Variants in UNC5D observed in about 807,000 individuals in gnomAD.
UNC5D encodes the protein netrin receptor UNC5D.
A neutral mutation model predicts 105.4 loss-of-function variants in UNC5D; 39 were observed. That is an observed-to-expected ratio of 0.37 (90% CI 0.29 to 0.48). UNC5D has a LOEUF of 0.48. Among genes scored for constraint, UNC5D ranks in the 20% least tolerant of loss-of-function variants. The probability of loss-of-function intolerance (pLI) is 0.98; values close to 1 mark genes in which losing one functional copy is unlikely to be tolerated. For synonymous variants in UNC5D, 452 were observed against 450.4 expected, an observed-to-expected ratio of 1.00 and a Z score of -0.04; for missense variants, 991 against 1,202.4, an observed-to-expected ratio of 0.82 and a Z score of 2.60.
At chr8:35,600,566 T>C (rs1257301822) in intron 4 of UNC5D, among the ~76,000 whole-genome samples, 1 of 152,256 alleles carries the variant, frequency 6.6e-6, no homozygotes, top group Non-Finnish European at 1.5e-5. Flanking sequence ...TGAGCATTTT[T>C]TCGTGTGTCT....
At chr8:35,605,014 T>A (rs920142568) in intron 4 of UNC5D, among the ~76,000 whole-genome samples, 12 of 152,186 alleles carry the variant, frequency 7.9e-5, no homozygotes, top group African/African-American at 2.9e-4. Flanking sequence ...TCAGAGTAGT[T>A]TGATCTTCTG....
chr8:35,482,803 T>C (rs1471046245), intron 1 of UNC5D, among the ~76,000 whole-genome samples: 1 of 134,810 alleles, frequency 7.4e-6, no homozygotes, highest in Non-Finnish European at 1.6e-5. Context: ...CTTTTTTTTT[T>C]TTTTTTTTTT....
intron 4 of UNC5D, among the ~76,000 whole-genome samples, chr8:35,632,583 C>CGGAG (rs1373917793): frequency 6.6e-6 from 1 of 152,190 alleles, no homozygotes; most frequent in Non-Finnish European, 1.5e-5. Context: ...CTGCTGCATG[C>CGGAG]GGAGGTAAGA....
At chr8:35,461,528 T>C (rs1808894040) in intron 1 of UNC5D, among the ~76,000 whole-genome samples, 2 of 152,132 alleles carry the variant, frequency 1.3e-5, no homozygotes, top group Admixed American at 1.3e-4. Context: ...CCATAACACA[T>C]AATAATAGCA....
chr8:35,727,443 C>G (rs1411776018), intron 10 of UNC5D: 1 of 152,126 alleles, frequency 6.6e-6, no homozygotes, highest in Non-Finnish European at 1.5e-5. Context: ...GCTAACCAAC[C>G]TCTCAAATCG....
chr8:35,429,247 G>T (rs909267948), intron 1 of UNC5D, among the ~76,000 whole-genome samples: 1 of 152,120 alleles, frequency 6.6e-6, no homozygotes, highest in Non-Finnish European at 1.5e-5. Flanking sequence ...AGGTCAGGAA[G>T]TGTTGTGCTA....
At chr8:35,644,211 C>T (rs1483111389) in intron 4 of UNC5D, among the ~76,000 whole-genome samples, 1 of 152,088 alleles carries the variant, frequency 6.6e-6, no homozygotes, top group Admixed American at 6.6e-5. Context: ...TTTTTGATCT[C>T]CTGATCCTTT....
chr8:35,432,985 G>A (rs1275896761), intron 1 of UNC5D, among the ~76,000 whole-genome samples: 3 of 152,146 alleles, frequency 2.0e-5, no homozygotes, highest in African/African-American at 7.2e-5. Context: ...ATTTGGGGAG[G>A]TGAGAGACCA....
intron 4 of UNC5D, among the ~76,000 whole-genome samples, chr8:35,644,609 A>G (rs1021456231): frequency 2.0e-5 from 3 of 152,196 alleles, no homozygotes; most frequent in East Asian, 3.9e-4. Flanking sequence ...AAAATAACTG[A>G]GGGAACACTC....
In UNC5D at chr8:35,411,441, C is replaced by T. The variant is rs1805160114; in HGVS notation, c.104-137851C>T. On this transcript the variant is annotated intron_variant, in intron 1 of 16. Transcript: ENST00000404895. ...GAGAGTAGCAGCACTCTTTCCTAACCCTAAATATTTTTTATGGGGCAGAGA... is the reference window on the plus strand; with the variant it reads ...GAGAGTAGCAGCACTCTTTCCTAACTCTAAATATTTTTTATGGGGCAGAGA... Among the ~76,000 whole-genome samples the T allele has an allele frequency of 2.0e-5, 3 of 152,000 alleles. No homozygotes were observed. The South Asian group carries it at 6.2e-4, about 32-fold the overall frequency.
At position 35,794,896 on chromosome 8, in the gene UNC5D, C is replaced by G. The variant is rs1053570060; in HGVS notation, c.*4333C>G. The G allele has an allele frequency of 1.3e-5, 2 of 152,150 alleles. No individual in the cohort carries two copies. Among genetic ancestry groups the G allele is most frequent in the African/African-American group, 4.8e-5 (2 of 41,420 alleles). The allele number at this position is 152,150 out of a possible 1,614,324, so 9.4% of individuals were successfully genotyped here. On this transcript the variant is annotated 3_prime_UTR_variant, in exon 17 of 17. Coordinates refer to ENST00000404895, the MANE Select transcript of UNC5D (RefSeq NM_080872.4). ...AACAGGGGATGGAAATCAGACCTGG[C>G]CGTTAGTCACTAGTGTGTAGTACCG...
chr8:35,279,690 T>C (rs2128847596), intron 1 of UNC5D, among the ~76,000 whole-genome samples: 1 of 152,330 alleles, frequency 6.6e-6, no homozygotes, highest in East Asian at 1.9e-4. Context: ...TCCACATATG[T>C]ATAATGCTCT....
chr8:35,411,117 G>A (rs1197155014), intron 1 of UNC5D, among the ~76,000 whole-genome samples: 2 of 151,970 alleles, frequency 1.3e-5, no homozygotes, highest in Non-Finnish European at 2.9e-5. Flanking sequence ...CTAGATAACA[G>A]GATAGTTTGA....
intron 1 of UNC5D, among the ~76,000 whole-genome samples, chr8:35,537,962 C>T (rs886560966): frequency 7.2e-5 from 11 of 152,042 alleles, no homozygotes; most frequent in Admixed American, 6.6e-5. Flanking sequence ...AAGGGTCTCA[C>T]ATCCTTTGCT....
At position 35,537,747 on chromosome 8, in the gene UNC5D, TTAAA is replaced by T. The variant is rs774693036; in HGVS notation, c.104-11538_104-11535del. Among the ~76,000 whole-genome samples the T allele has an allele frequency of 5.3e-5, 8 of 150,324 alleles. No individual in the cohort carries two copies. In the East Asian group the frequency reaches 5.8e-4, roughly 11 times the overall value. The stretch of plus-strand genomic sequence containing the variant: ...GTAAATATTTTATTTATACATATAA[TTAAA>T]TAAATACAAATTAAAATATTAAAAA... On this transcript the variant is annotated intron_variant, in intron 1 of 16. Coordinates refer to ENST00000404895, the MANE Select transcript of UNC5D (RefSeq NM_080872.4).
At chr8:35,392,080 G>T (rs1358418978) in intron 1 of UNC5D, among the ~76,000 whole-genome samples, 2 of 152,250 alleles carry the variant, frequency 1.3e-5, no homozygotes, top group East Asian at 3.9e-4. Flanking sequence ...GTCTGAAATG[G>T]ATTTCACTAC....
intron 1 of UNC5D, among the ~76,000 whole-genome samples, chr8:35,441,975 T>C (rs1046643162): frequency 2.5e-4 from 38 of 151,942 alleles, no homozygotes; most frequent in African/African-American, 9.2e-4. Context: ...AAAATAATTT[T>C]TTAGCACTAT....
intron 1 of UNC5D, among the ~76,000 whole-genome samples, chr8:35,236,371 C>A (rs550734577): frequency 6.9e-6 from 1 of 144,788 alleles, no homozygotes; most frequent in Admixed American, 6.9e-5. Flanking sequence ...AACACCCATG[C>A]TGAAGTCCCT....
At chr8:35,515,045 T>C (rs565642025) in intron 1 of UNC5D, among the ~76,000 whole-genome samples, 23 of 152,344 alleles carry the variant, frequency 1.5e-4, no homozygotes, top group African/African-American at 5.5e-4. Context: ...GTGGATGGAT[T>C]TCCGGTGGTT....
Sources: gnomAD v4.1 joint callset for allele counts (sites outside exome capture counted in the v4.1 genomes callset) on GRCh38, gnomAD v4.1.1 for gene constraint, MANE v1.5 for transcripts, NCBI Gene and HGNC (gene_info 2026-07-23, HGNC 2026-07-21) for gene names.